ARID1B: variants seen among roughly 807,000 people sequenced by gnomAD.
ARID1B encodes AT-rich interactive domain-containing protein 1B.
A neutral mutation model predicts 212.3 loss-of-function variants in ARID1B; 30 were observed. The observed-to-expected ratio is 0.14, with a 90% confidence interval of 0.11 to 0.19. The LOEUF (loss-of-function observed/expected upper bound fraction) is 0.19, where lower values mean the gene tolerates loss of function less well. Ranked by LOEUF, ARID1B falls within the 10% of genes least tolerant of loss-of-function variation. ARID1B has a pLI of 1.00. For missense variants in ARID1B, 2,891 were observed against 3,204.0 expected, an observed-to-expected ratio of 0.90 and a Z score of 2.36; for synonymous variants, 1,402 against 1,301.7, an observed-to-expected ratio of 1.08 and a Z score of -1.66.
intron 11 of ARID1B, among the ~76,000 whole-genome samples, chr6:157,180,616 C>G (rs1351331487): frequency 6.6e-6 from 1 of 152,164 alleles, no homozygotes; most frequent in African/African-American, 2.4e-5. Context: ...TATGATCATT[C>G]CATGAGCTAG....
At chr6:157,084,049 G>A (rs542193435) in intron 4 of ARID1B, among the ~76,000 whole-genome samples, 3 of 151,284 alleles carry the variant, frequency 2.0e-5, no homozygotes, top group South Asian at 2.1e-4. Context: ...CAGGAGAATC[G>A]CTTGAACCCA....
At chr6:156,806,676 G>A (rs1387321262) in intron 1 of ARID1B, among the ~76,000 whole-genome samples, 1 of 152,204 alleles carries the variant, frequency 6.6e-6, no homozygotes, top group Non-Finnish European at 1.5e-5. Context: ...ACCAGGTTTT[G>A]TGACCCAAAT....
At chr6:156,926,573 T>C (rs1562489019) in intron 3 of ARID1B, among the ~76,000 whole-genome samples, 1 of 152,172 alleles carries the variant, frequency 6.6e-6, no homozygotes, top group Non-Finnish European at 1.5e-5. Flanking sequence ...CAGAAGTAGA[T>C]AATGGTGTAA....
At chr6:157,021,463 C>T (rs1178828987) in intron 4 of ARID1B, among the ~76,000 whole-genome samples, 1 of 152,190 alleles carries the variant, frequency 6.6e-6, no homozygotes, top group Non-Finnish European at 1.5e-5. Context: ...CGGCCTCTGC[C>T]GGCAGGCCCC....
At chr6:157,064,741 T>A (rs1261312987) in intron 4 of ARID1B, among the ~76,000 whole-genome samples, 2 of 152,172 alleles carry the variant, frequency 1.3e-5, no homozygotes, top group African/African-American at 2.4e-5. Flanking sequence ...CCCTGGTGGA[T>A]CCAGCTTCTA....
At chr6:156,872,294 C>T (rs1028074160) in intron 2 of ARID1B, among the ~76,000 whole-genome samples, 5 of 152,156 alleles carry the variant, frequency 3.3e-5, no homozygotes, top group African/African-American at 1.2e-4. Flanking sequence ...TTTTTGGAAT[C>T]ATACCTGGTC....
chr6:157,019,327 G>A (rs970050124), intron 4 of ARID1B, among the ~76,000 whole-genome samples: 2 of 152,168 alleles, frequency 1.3e-5, no homozygotes, highest in African/African-American at 4.8e-5. Context: ...CTGTATTTCA[G>A]GAATGGTCAG....
chr6:156,913,802 C>T (rs1285195568), intron 3 of ARID1B, among the ~76,000 whole-genome samples: 1 of 149,800 alleles, frequency 6.7e-6, no homozygotes, highest in Non-Finnish European at 1.5e-5. Flanking sequence ...ACCAGTCCAT[C>T]CCAGCCCGTG....
chr6:156,895,247 G>A (rs1404744596), intron 2 of ARID1B, among the ~76,000 whole-genome samples: 1 of 152,168 alleles, frequency 6.6e-6, no homozygotes, highest in Non-Finnish European at 1.5e-5. Context: ...AGGGAAATTA[G>A]TGACCCTTAG....
At chr6:156,834,489 T>C (rs1783366855) in intron 2 of ARID1B, among the ~76,000 whole-genome samples, 1 of 152,242 alleles carries the variant, frequency 6.6e-6, no homozygotes, top group Admixed American at 6.5e-5. Flanking sequence ...AGAACATTCA[T>C]GTGACAATGG....
At chr6:157,153,880 T>G (rs1418392400) in intron 8 of ARID1B, among the ~76,000 whole-genome samples, 1 of 152,124 alleles carries the variant, frequency 6.6e-6, no homozygotes, top group Non-Finnish European at 1.5e-5. Context: ...CCTCAAGCAA[T>G]CCTCTCTTCT....
intron 1 of ARID1B, among the ~76,000 whole-genome samples, chr6:156,802,560 GT>G (rs1780864684): frequency 1.3e-5 from 2 of 152,164 alleles, no homozygotes; most frequent in South Asian, 4.1e-4. Context: ...ATTTTTGACT[GT>G]TCCTTCACTT....
intron 5 of ARID1B, among the ~76,000 whole-genome samples, chr6:157,110,098 C>T (rs1332164170): frequency 3.3e-5 from 5 of 152,184 alleles, no homozygotes; most frequent in African/African-American, 1.2e-4. Flanking sequence ...GTTGGCCACT[C>T]TGCATGCCTG....
intron 1 of ARID1B, among the ~76,000 whole-genome samples, chr6:156,784,882 C>T (rs1003212857): frequency 4.6e-5 from 7 of 152,282 alleles, no homozygotes; most frequent in East Asian, 1.9e-4. Flanking sequence ...GCCTCAGCCC[C>T]GCAAGCAGCT....
chr6:156,829,144 A>T, intron 1 of ARID1B, 83 bp from the exon 2 acceptor site: 3 of 1,059,272 alleles, frequency 2.8e-6, no homozygotes, highest in Non-Finnish European at 4.1e-6. Flanking sequence ...TTGTGTTATT[A>T]ATGCATATGT....
intron 6 of ARID1B, among the ~76,000 whole-genome samples, chr6:157,128,371 C>G (rs977084719): frequency 6.6e-6 from 1 of 152,078 alleles, no homozygotes; most frequent in African/African-American, 2.4e-5. Flanking sequence ...CTTCATGATG[C>G]TTATTACAGT....
intron 4 of ARID1B, among the ~76,000 whole-genome samples, chr6:156,978,469 C>T (rs574632069): frequency 1.3e-5 from 2 of 152,282 alleles, no homozygotes; most frequent in South Asian, 4.1e-4. Context: ...AAAAGGGAAA[C>T]AGGATTTTGA....
chr6:157,169,680 A>C (rs1791580954), intron 9 of ARID1B: 1 of 152,200 alleles, frequency 6.6e-6, no homozygotes, highest in South Asian at 2.1e-4. Flanking sequence ...AATATTCATT[A>C]GTCATTTGCA....
At chr6:157,143,587 A>G (rs980370136) in intron 7 of ARID1B, among the ~76,000 whole-genome samples, 5 of 151,840 alleles carry the variant, frequency 3.3e-5, no homozygotes, top group African/African-American at 9.7e-5. Flanking sequence ...GTTACTTTCA[A>G]CCTCTTACTC....
Sources: gnomAD v4.1 joint callset for allele counts (sites outside exome capture counted in the v4.1 genomes callset) on GRCh38, gnomAD v4.1.1 for gene constraint, MANE v1.5 for transcripts, NCBI Gene and HGNC (gene_info 2026-07-23, HGNC 2026-07-21) for gene names.